DPY19L3: variants seen among roughly 807,000 people sequenced by gnomAD.
DPY19L3 encodes the protein dpy-19 like C-mannosyltransferase 3.
Under a neutral mutation model 92.3 loss-of-function variants are expected in DPY19L3, and 51 were observed. That is an observed-to-expected ratio of 0.55 (90% CI 0.44 to 0.70). DPY19L3 has a LOEUF of 0.70. Ranked by LOEUF, DPY19L3 falls within the 30% of genes least tolerant of loss-of-function variation. The pLI is 0.00. For synonymous variants in DPY19L3, 309 were observed against 315.2 expected, an observed-to-expected ratio of 0.98 and a Z score of 0.21; for missense variants, 706 against 855.9, an observed-to-expected ratio of 0.82 and a Z score of 2.18.
At position 32,449,367 on chromosome 19, in the gene DPY19L3, A is replaced by G. The variant is rs573340970; in HGVS notation, c.856-3778A>G. On this transcript the variant is annotated intron_variant, in intron 8 of 18. Coordinates refer to ENST00000392250, the MANE Select transcript of DPY19L3 (RefSeq NM_001172774.2). ...GCCCCCCAAATTGATCTACAGATTC[A>G]ACACATTCCCTCTCAGAATCCCAGG... Among the ~76,000 whole-genome samples the G allele has an allele frequency of 2.6e-5, 4 of 152,292 alleles. No homozygotes were observed. In the South Asian group the frequency reaches 8.3e-4, roughly 32 times the overall value.
intron 8 of DPY19L3, among the ~76,000 whole-genome samples, chr19:32,446,756 T>C (rs1197208935): frequency 6.6e-6 from 1 of 152,128 alleles, no homozygotes. Flanking sequence ...ATAGAAAAAT[T>C]CACAATCGCA....
intron 3 of DPY19L3, among the ~76,000 whole-genome samples, chr19:32,422,535 G>A (rs1447531133): frequency 6.6e-6 from 1 of 151,980 alleles, no homozygotes; most frequent in African/African-American, 2.4e-5. Flanking sequence ...TAAAGTGACA[G>A]TATGAGAAAG....
chr19:32,465,466 T>C (rs1288161939), intron 15 of DPY19L3, among the ~76,000 whole-genome samples: 1 of 152,248 alleles, frequency 6.6e-6, no homozygotes, highest in Admixed American at 6.5e-5. Context: ...ATTGAGCTTC[T>C]GCCCTCTCTT....
intron 8 of DPY19L3, among the ~76,000 whole-genome samples, chr19:32,451,150 T>C (rs1181142689): frequency 6.6e-6 from 1 of 152,220 alleles, no homozygotes; most frequent in Non-Finnish European, 1.5e-5. Flanking sequence ...ACCTAAATGG[T>C]CCAGTGGCAA....
Position 32,437,346 on chromosome 19 carries a change from T to C in DPY19L3, c.596+7T>C. 6.2e-7 allele frequency: 1 copy of C among 1,610,258 alleles called. No homozygotes were observed. Among genetic ancestry groups the C allele is most frequent in the Non-Finnish European group, 8.5e-7 (1 of 1,178,098 alleles). On this transcript the variant is annotated splice_region_variant and intron_variant, in intron 6 of 18. Coordinates refer to ENST00000392250, the MANE Select transcript of DPY19L3 (RefSeq NM_001172774.2). ...TCTGGTATGTCACAAATAGGTGAGT[T>C]GGAGTCAGTATGCTTCTTTTTTTTC...
At chr19:32,446,411 A>AAT (rs1969501149) in intron 8 of DPY19L3, among the ~76,000 whole-genome samples, 2 of 152,324 alleles carry the variant, frequency 1.3e-5, no homozygotes, top group Admixed American at 6.5e-5. Flanking sequence ...AAATGATCTA[A>AAT]ATATACTAAT....
chr19:32,415,537 C>G (rs1427015326), intron 3 of DPY19L3, among the ~76,000 whole-genome samples: 2 of 152,170 alleles, frequency 1.3e-5, no homozygotes, highest in Non-Finnish European at 2.9e-5. Flanking sequence ...ATAGAACTCT[C>G]TCTGAATGTA....
intron 17 of DPY19L3, among the ~76,000 whole-genome samples, chr19:32,478,797 GCTGTTTC>G (rs1370017043): frequency 6.6e-6 from 1 of 152,166 alleles, no homozygotes. Flanking sequence ...AGCCATTTCT[GCTGTTTC>G]CCTGTCTTTT....
chr19:32,477,257 A>G (rs1375395555), intron 16 of DPY19L3, among the ~76,000 whole-genome samples: 2 of 152,100 alleles, frequency 1.3e-5, no homozygotes, highest in Non-Finnish European at 2.9e-5. Flanking sequence ...TCAAAATCAT[A>G]CAAAACATTG....
At chr19:32,455,167 C>T in intron 10 of DPY19L3, 127 bp downstream of exon 10, 1 of 635,638 alleles carries the variant, frequency 1.6e-6, no homozygotes, top group Non-Finnish European at 2.5e-6. Context: ...TTGCCGTTTC[C>T]TAGGCTGGCC....
intron 15 of DPY19L3, among the ~76,000 whole-genome samples, chr19:32,465,070 GT>G (rs1243415943): frequency 6.6e-6 from 1 of 152,162 alleles, no homozygotes; most frequent in Non-Finnish European, 1.5e-5. Flanking sequence ...AAAATAAGGT[GT>G]TTTCAGACCT....
chr19:32,413,868 G>A (rs1004351868), intron 3 of DPY19L3, among the ~76,000 whole-genome samples: 3 of 152,008 alleles, frequency 2.0e-5, no homozygotes, highest in Admixed American at 6.6e-5. Flanking sequence ...TGGGACCACA[G>A]GTGCACGTCA....
intron 6 of DPY19L3, 84 bp from the exon 7 acceptor site, chr19:32,439,028 G>A (rs1482020613): frequency 8.9e-6 from 13 of 1,462,502 alleles, no homozygotes; most frequent in Admixed American, 6.0e-5. Flanking sequence ...TGTCCTTAAT[G>A]TAATATATCT....
chr19:32,452,587 C>T (rs1326891356), intron 8 of DPY19L3, among the ~76,000 whole-genome samples: 2 of 152,248 alleles, frequency 1.3e-5, no homozygotes, highest in Admixed American at 1.3e-4. Context: ...TTGTTTACTT[C>T]CTCTACTTCA....
intron 12 of DPY19L3, among the ~76,000 whole-genome samples, chr19:32,461,654 T>C (rs1170017697): frequency 6.6e-6 from 1 of 152,154 alleles, no homozygotes; most frequent in Non-Finnish European, 1.5e-5. Context: ...TTCGTATGTA[T>C]TTATGGTAGG....
chr19:32,412,317 A>G (rs1968212283), intron 3 of DPY19L3: 2 of 152,068 alleles, frequency 1.3e-5, no homozygotes, highest in African/African-American at 2.4e-5. Flanking sequence ...AATCAAAAAG[A>G]AAGAATACTA....
chr19:32,463,299 T>A lies in DPY19L3; in HGVS notation c.1323-67T>A, dbSNP rs538686256. On this transcript the variant is annotated intron_variant, in intron 12 of 18. Coordinates refer to ENST00000392250, the MANE Select transcript of DPY19L3 (RefSeq NM_001172774.2). ...AAGGCATACATTTCTTGTATCTTCT[T>A]CTTTTACAAAGATCTAACTAAAATT... 50 of 1,552,304 alleles carry A rather than the reference T, an allele frequency of 3.2e-5. No individual in the cohort carries two copies. The Admixed American group carries it at 9.0e-4, about 28-fold the overall frequency.
intron 8 of DPY19L3, among the ~76,000 whole-genome samples, chr19:32,442,854 A>G (rs550760381): frequency 6.6e-6 from 1 of 152,150 alleles, no homozygotes; most frequent in African/African-American, 2.4e-5. Flanking sequence ...ACCCTCACCT[A>G]GCTGTCACTA....
chr19:32,429,902 C>T (rs534260497), intron 3 of DPY19L3, among the ~76,000 whole-genome samples: 1 of 152,170 alleles, frequency 6.6e-6, no homozygotes, highest in East Asian at 1.9e-4. Context: ...ACGAGTGATA[C>T]CAGGTTGGTT....
Sources: gnomAD v4.1 joint callset for allele counts (sites outside exome capture counted in the v4.1 genomes callset) on GRCh38, gnomAD v4.1.1 for gene constraint, MANE v1.5 for transcripts, NCBI Gene and HGNC (gene_info 2026-07-23, HGNC 2026-07-21) for gene names.